Variants in RABGAP1L observed in about 807,000 individuals in gnomAD.
The protein encoded by RABGAP1L is rab GTPase-activating protein 1-like.
A neutral mutation model predicts 137.7 loss-of-function variants in RABGAP1L; 63 were observed. The ratio of observed to expected loss-of-function variants is 0.46; its 90% CI spans 0.37 to 0.56. The LOEUF is 0.56. Among genes scored for constraint, RABGAP1L ranks in the 20% least tolerant of loss-of-function variants. The probability of loss-of-function intolerance (pLI) is 0.00; values close to 1 mark genes in which losing one functional copy is unlikely to be tolerated. For synonymous variants in RABGAP1L, 431 were observed against 433.7 expected (o/e 0.99, Z 0.08); for missense variants, 1,095 against 1,244.0 (o/e 0.88, Z 1.80).
At chr1:174,613,590 G>T (rs1671485882) in intron 13 of RABGAP1L, among the ~76,000 whole-genome samples, 1 of 152,170 alleles carries the variant, frequency 6.6e-6, no homozygotes, top group African/African-American at 2.4e-5. Context: ...GTGCAGAGCT[G>T]AGTTCAATTC....
chr1:174,173,649 G>A (rs148882047), intron 1 of RABGAP1L, among the ~76,000 whole-genome samples: 449 of 149,336 alleles, frequency 3.0e-3, no homozygotes, highest in Non-Finnish European at 4.9e-3. Flanking sequence ...ATTCTCTGTC[G>A]TTTTTTTTTC....
At chr1:174,791,156 A>T (rs566196829) in intron 18 of RABGAP1L, among the ~76,000 whole-genome samples, 3 of 150,848 alleles carry the variant, frequency 2.0e-5, no homozygotes, top group Non-Finnish European at 2.9e-5. Flanking sequence ...GTGCCATTGC[A>T]CTCCAGCCTG....
chr1:174,538,989 C>T (rs191156775), intron 13 of RABGAP1L, among the ~76,000 whole-genome samples: 159 of 152,110 alleles, frequency 1.0e-3, no homozygotes, highest in African/African-American at 3.4e-3. Context: ...AGACTGCCTA[C>T]GTTCATTAAA....
rs144900997 is a variant in RABGAP1L, at chr1:174,404,867, A to G, written c.1710+10722A>G. Among the ~76,000 whole-genome samples the G allele has an allele frequency of 3.9e-5, 6 of 152,338 alleles. No homozygotes were observed. The East Asian group carries it at 1.2e-3, about 29-fold the overall frequency. ...TGCTGGCAAAAATTCTTTTTGAAAT[A>G]ATAAAAAACAACTGCAAGAGTGGCC... On this transcript the variant is annotated intron_variant, in intron 13 of 25. Coordinates refer to ENST00000681986, the MANE Select transcript of RABGAP1L (RefSeq NM_001366446.1).
At chr1:174,348,469 TA>T (rs1179143954) in intron 11 of RABGAP1L, among the ~76,000 whole-genome samples, 42 of 148,922 alleles carry the variant, frequency 2.8e-4, no homozygotes, top group African/African-American at 1.0e-3. Context: ...TTTTTTAATT[TA>T]TTTTTTTATT....
At chr1:174,978,738 G>C in intron 22 of RABGAP1L, 69 bp from the exon 23 acceptor site, 1 of 1,451,262 alleles carries the variant, frequency 6.9e-7, no homozygotes, top group Non-Finnish European at 9.1e-7. Context: ...AGACAGACTT[G>C]AATATAGATG....
At chr1:174,349,759 G>A (rs1423305713) in intron 11 of RABGAP1L, among the ~76,000 whole-genome samples, 4,878 of 91,970 alleles carry the variant, frequency 0.053, no homozygotes, top group African/African-American at 0.086. Flanking sequence ...CCTCCCAGAC[G>A]GGGCGGCTGG....
chr1:174,609,763 A>T (rs1358432381), intron 13 of RABGAP1L, among the ~76,000 whole-genome samples: 1 of 152,208 alleles, frequency 6.6e-6, no homozygotes, highest in African/African-American at 2.4e-5. Context: ...TATGTAATTC[A>T]TCTGTCACTT....
At chr1:174,715,018 T>C (rs1376327891) in intron 17 of RABGAP1L, among the ~76,000 whole-genome samples, 2 of 152,194 alleles carry the variant, frequency 1.3e-5, no homozygotes, top group Non-Finnish European at 2.9e-5. Context: ...AGTTTTAATA[T>C]AGGGCGTAAT....
intron 1 of RABGAP1L, among the ~76,000 whole-genome samples, chr1:174,183,503 C>G (rs892631064): frequency 1.3e-5 from 2 of 152,214 alleles, no homozygotes; most frequent in Non-Finnish European, 2.9e-5. Flanking sequence ...AAAGTACAGA[C>G]AGTTCCTGCA....
intron 5 of RABGAP1L, among the ~76,000 whole-genome samples, chr1:174,247,767 C>T (rs970936962): frequency 4.6e-5 from 7 of 152,190 alleles, no homozygotes; most frequent in Non-Finnish European, 1.0e-4. Context: ...ATCCCATGAG[C>T]CCTATGCAAA....
chr1:174,588,225 A>G (rs1257528094), intron 13 of RABGAP1L, among the ~76,000 whole-genome samples: 1 of 151,346 alleles, frequency 6.6e-6, no homozygotes, highest in Non-Finnish European at 1.5e-5. Context: ...ATGTAGTGGC[A>G]TGATCTTGGC....
At chr1:174,544,131 A>G (rs1024313075) in intron 13 of RABGAP1L, among the ~76,000 whole-genome samples, 1 of 151,982 alleles carries the variant, frequency 6.6e-6, no homozygotes. Flanking sequence ...CCTGAATTTG[A>G]ATGTTGGCCT....
At chr1:174,229,437 T>C (rs1048393924) in intron 3 of RABGAP1L, among the ~76,000 whole-genome samples, 1 of 152,194 alleles carries the variant, frequency 6.6e-6, no homozygotes, top group Admixed American at 6.5e-5. Context: ...CCATAGAGGT[T>C]TACTTAGTCA....
intron 19 of RABGAP1L, among the ~76,000 whole-genome samples, chr1:174,823,646 A>AG (rs1220023797): frequency 6.6e-6 from 1 of 152,254 alleles, no homozygotes; most frequent in African/African-American, 2.4e-5. Flanking sequence ...TATAGTATTC[A>AG]GTAGCACATC....
intron 19 of RABGAP1L, among the ~76,000 whole-genome samples, chr1:174,952,089 C>G (rs1020933075): frequency 6.6e-6 from 1 of 151,792 alleles, no homozygotes; most frequent in Non-Finnish European, 1.5e-5. Context: ...TTTAAGAGTT[C>G]TATTATTCTG....
intron 19 of RABGAP1L, among the ~76,000 whole-genome samples, chr1:174,899,908 G>T (rs1488677318): frequency 6.6e-6 from 1 of 152,002 alleles, no homozygotes. Context: ...TGAGAGGAGA[G>T]AGTGATTACT....
At chr1:174,328,048 A>G (rs1376757003) in intron 11 of RABGAP1L, among the ~76,000 whole-genome samples, 1 of 143,668 alleles carries the variant, frequency 7.0e-6, no homozygotes, top group African/African-American at 2.7e-5. Flanking sequence ...GCACTTAAAT[A>G]TATAAAGCAA....
At chr1:174,937,619 A>ATATATAT (rs1665075114) in intron 19 of RABGAP1L, among the ~76,000 whole-genome samples, 1 of 109,648 alleles carries the variant, frequency 9.1e-6, no homozygotes, top group South Asian at 2.7e-4. Context: ...TACTTCATTA[A>ATATATAT]ATATATATAT....
Sources: allele counts gnomAD v4.1 joint callset (sites outside exome capture counted in the v4.1 genomes callset), GRCh38; gene constraint gnomAD v4.1.1; transcripts MANE v1.5; gene names NCBI Gene and HGNC (gene_info 2026-07-23, HGNC 2026-07-21).